The following ADAM18 variants were observed in gnomAD, a reference collection of about 807,000 sequenced individuals.
ADAM18 encodes ADAM metallopeptidase domain 18, also known as disintegrin and metalloproteinase domain-containing protein 18.
ADAM18 carries 117 observed loss-of-function variants against 94.4 expected under a neutral mutation model. That is an observed-to-expected ratio of 1.24 (90% CI 1.07 to 1.45). The LOEUF (loss-of-function observed/expected upper bound fraction) is 1.45. Ranked by LOEUF, ADAM18 falls within the 40% of genes most tolerant of loss-of-function variation. The probability of loss-of-function intolerance (pLI) is 0.00; values close to 1 mark genes in which losing one functional copy is unlikely to be tolerated. For missense variants in ADAM18, 936 were observed against 880.0 expected (o/e 1.06, Z -0.81); for synonymous variants, 327 against 291.6 (o/e 1.12, Z -1.24).
intron 17 of ADAM18, among the ~76,000 whole-genome samples, chr8:39,695,083 A>G (rs1292604082): frequency 6.6e-6 from 1 of 151,522 alleles, no homozygotes; most frequent in Non-Finnish European, 1.5e-5. Context: ...TCATTGAATA[A>G]TATTCCACTG....
intron 11 of ADAM18, 27 bp downstream of exon 11, chr8:39,645,501 T>G: frequency 1.3e-6 from 2 of 1,573,002 alleles, no homozygotes; most frequent in Non-Finnish European, 1.7e-6. Context: ...ATTAATTTCA[T>G]TTATATTTTT....
At chr8:39,588,662 G>A (rs1818480486) in intron 2 of ADAM18, among the ~76,000 whole-genome samples, 1 of 152,136 alleles carries the variant, frequency 6.6e-6, no homozygotes, top group African/African-American at 2.4e-5. Context: ...GTTGGGGAGA[G>A]CTGACCTCAG....
At chr8:39,676,714 C>T (rs1821312691) in intron 14 of ADAM18, among the ~76,000 whole-genome samples, 2 of 152,186 alleles carry the variant, frequency 1.3e-5, no homozygotes, top group South Asian at 4.1e-4. Flanking sequence ...CAGAAATCAC[C>T]CATCTTCTGC....
chr8:39,610,378 C>T (rs1370224647), intron 5 of ADAM18, 151 bp from the exon 6 acceptor site: 2 of 1,002,690 alleles, frequency 2.0e-6, no homozygotes, highest in Non-Finnish European at 2.7e-6. Context: ...TGATAAACTG[C>T]CCCCCCAAAA....
At chr8:39,647,030 G>T (rs1820400721) in intron 11 of ADAM18, among the ~76,000 whole-genome samples, 1 of 151,988 alleles carries the variant, frequency 6.6e-6, no homozygotes, top group African/African-American at 2.4e-5. Flanking sequence ...CTCGTCAGGT[G>T]GGACGAGAGA....
chr8:39,640,023 T>A (rs566916717), intron 10 of ADAM18, among the ~76,000 whole-genome samples: 2 of 152,244 alleles, frequency 1.3e-5, no homozygotes, highest in East Asian at 1.9e-4. Flanking sequence ...TTAATTTTTT[T>A]AATTCCAACT....
intron 18 of ADAM18, among the ~76,000 whole-genome samples, chr8:39,707,682 C>G (rs1822277771): frequency 6.6e-6 from 1 of 151,776 alleles, no homozygotes; most frequent in Admixed American, 6.6e-5. Context: ...TATATTTTGT[C>G]AAATGTTGAC....
chr8:39,598,709 C>T (rs909161737), intron 2 of ADAM18, among the ~76,000 whole-genome samples: 1 of 147,322 alleles, frequency 6.8e-6, no homozygotes, highest in Non-Finnish European at 1.5e-5. Flanking sequence ...CAGATGTTGC[C>T]GTGAGCTGTG....
chr8:39,621,386 A>G (rs984236240), intron 6 of ADAM18, among the ~76,000 whole-genome samples: 6 of 150,886 alleles, frequency 4.0e-5, no homozygotes, highest in African/African-American at 1.2e-4. Flanking sequence ...CCTGGTTTTG[A>G]TAAGTTTATG....
intron 6 of ADAM18, among the ~76,000 whole-genome samples, chr8:39,614,005 C>A (rs943132284): frequency 3.1e-4 from 47 of 152,240 alleles, no homozygotes; most frequent in African/African-American, 1.1e-3. Context: ...TCATTGTCAT[C>A]CCTGAAATGG....
At chr8:39,638,080 G>T (rs898207520) in intron 9 of ADAM18, among the ~76,000 whole-genome samples, 19 of 151,378 alleles carry the variant, frequency 1.3e-4, no homozygotes, top group Non-Finnish European at 2.2e-4. Context: ...AGGGATTTGG[G>T]TTTTTTTTAA....
intron 19 of ADAM18, among the ~76,000 whole-genome samples, chr8:39,726,292 G>T (rs1056606647): frequency 6.6e-6 from 1 of 150,978 alleles, no homozygotes; most frequent in Non-Finnish European, 1.5e-5. Context: ...GTGTGTGTGT[G>T]TGTATATATA....
rs1416904270 is a variant in ADAM18 at position 39,723,756 on chromosome 8, T to C, written c.2026T>C (p.Tyr676His). The C allele has an allele frequency of 7.3e-6, 11 of 1,511,918 alleles. No homozygotes were observed. The highest frequency in any genetic ancestry group is 9.7e-6 in the Non-Finnish European group (11 of 1,135,122). The allele number at this position is 1,511,918 out of a possible 1,614,324, so 93.7% of individuals were successfully genotyped here. The change falls in exon 19 of 20, where the codon TAT (tyrosine) becomes CAT (histidine). Residue 676 changes from tyrosine to histidine, a missense_variant. By Grantham distance (83) the Tyr-to-His change is moderately conservative (BLOSUM62 2). Transcript: ENST00000265707. ...ATATGATTCATTTCTAGGTGACTTTTATACTGAAAAAGGCTACAATACACA... is the reference window on the plus strand; with the variant it reads ...ATATGATTCATTTCTAGGTGACTTTCATACTGAAAAAGGCTACAATACACA... ...DGNFQKSGDF[Y>H]TEKGYNTHWN...
chr8:39,601,157 G>A (rs1469290896), intron 2 of ADAM18, among the ~76,000 whole-genome samples: 1 of 152,130 alleles, frequency 6.6e-6, no homozygotes, highest in Non-Finnish European at 1.5e-5. Flanking sequence ...CACCAAAAGG[G>A]AAATCTGCCT....
intron 6 of ADAM18, among the ~76,000 whole-genome samples, chr8:39,620,097 A>G (rs370218636): frequency 1.3e-3 from 204 of 152,154 alleles, no homozygotes; most frequent in African/African-American, 4.7e-3. Context: ...TTTTTTGACA[A>G]TGTTGCCAAG....
intron 18 of ADAM18, among the ~76,000 whole-genome samples, chr8:39,721,602 A>G (rs1409416395): frequency 1.3e-5 from 2 of 151,756 alleles, no homozygotes; most frequent in African/African-American, 4.8e-5. Context: ...ATGGCAAAAG[A>G]CATGAACAGA....
At chr8:39,710,721 T>C (rs1027885945) in intron 18 of ADAM18, among the ~76,000 whole-genome samples, 1 of 152,196 alleles carries the variant, frequency 6.6e-6, no homozygotes, top group Non-Finnish European at 1.5e-5. Context: ...TGGAGTATTG[T>C]TGATTACACT....
chr8:39,709,345 G>A (rs563681749), intron 18 of ADAM18, among the ~76,000 whole-genome samples: 2 of 152,284 alleles, frequency 1.3e-5, no homozygotes, highest in Admixed American at 6.5e-5. Context: ...AGTCCCTGAC[G>A]TCCAGCTGCT....
intron 6 of ADAM18, among the ~76,000 whole-genome samples, chr8:39,625,483 CAG>C (rs1024503801): frequency 2.5e-4 from 38 of 152,160 alleles, no homozygotes; most frequent in Admixed American, 9.2e-4. Flanking sequence ...CATTGGTAGA[CAG>C]AGTTAGCTTG....
Sources: gnomAD v4.1 joint callset for allele counts (sites outside exome capture counted in the v4.1 genomes callset) on GRCh38, gnomAD v4.1.1 for gene constraint, MANE v1.5 for transcripts, NCBI Gene and HGNC (gene_info 2026-07-23, HGNC 2026-07-21) for gene names.